Variants in KCNMA1 observed in about 807,000 individuals in gnomAD.
The protein encoded by KCNMA1 is Calcium-activated potassium channel subunit alpha-1.
KCNMA1 carries 29 observed loss-of-function variants against 140.0 expected under a neutral mutation model. That is an observed-to-expected ratio of 0.21 (90% confidence interval 0.15 to 0.28). KCNMA1 has a LOEUF of 0.28. Ranked by LOEUF, KCNMA1 falls within the 10% of genes least tolerant of loss-of-function variation. The pLI, the probability that KCNMA1 is intolerant of heterozygous loss-of-function variation, is 1.00. For synonymous variants in KCNMA1, 612 were observed against 611.9 expected (o/e 1.00, Z 0.00); for missense variants, 880 against 1,602.2 (o/e 0.55, Z 7.70).
chr10:77,165,649 T>A (rs1030715349), intron 5 of KCNMA1, among the ~76,000 whole-genome samples: 3 of 152,180 alleles, frequency 2.0e-5, no homozygotes, highest in Admixed American at 6.5e-5. Context: ...GCCCTGCAAG[T>A]CCAATTAGAA....
At chr10:77,448,735 T>G (rs2097574294) in intron 1 of KCNMA1, among the ~76,000 whole-genome samples, 1 of 152,140 alleles carries the variant, frequency 6.6e-6, no homozygotes, top group Non-Finnish European at 1.5e-5. Context: ...CAAAAAGAAT[T>G]TATGGGCAAG....
chr10:77,261,974 C>T (rs538544742), intron 2 of KCNMA1, among the ~76,000 whole-genome samples: 3 of 152,132 alleles, frequency 2.0e-5, no homozygotes, highest in Non-Finnish European at 2.9e-5. Context: ...TCTTCTGTAG[C>T]GTAGTCAGGT....
Position 77,448,884 on chromosome 10 carries a change from C to A in KCNMA1, c.379-44861G>T, listed in dbSNP as rs571792031. On this transcript the variant is annotated intron_variant, in intron 1 of 27. Transcript: ENST00000286628. ...CGGGCAGATTACGAGGTCAGGAGAT[C>A]GAGACCAGCCAGACTAACATGGTGA... is the stretch of plus-strand genomic sequence containing the variant. 2.0e-5 allele frequency among the ~76,000 whole-genome samples: 3 copies of A among 152,010 alleles called. No individual in the cohort carries two copies. The East Asian group carries it at 5.8e-4, about 29-fold the overall frequency.
chr10:77,169,649 G>T (rs1451655738), intron 5 of KCNMA1, among the ~76,000 whole-genome samples: 1 of 152,008 alleles, frequency 6.6e-6, no homozygotes, highest in East Asian at 1.9e-4. Flanking sequence ...CAAAGTGCTG[G>T]GATTACAGGA....
chr10:77,412,698 C>T (rs180716623), intron 1 of KCNMA1, among the ~76,000 whole-genome samples: 80 of 152,302 alleles, frequency 5.3e-4, no homozygotes, highest in African/African-American at 1.7e-3. Flanking sequence ...GGCAGGGCCC[C>T]GGACCCCGCG....
chr10:77,439,150 A>G (rs12413426), intron 1 of KCNMA1, among the ~76,000 whole-genome samples: 761 of 64,040 alleles, frequency 0.012, 4 homozygotes, highest in Middle Eastern at 0.045. Flanking sequence ...GAGAAGAGAA[A>G]AGAGAAGAGA....
chr10:77,398,868 G>A (rs372066718), intron 2 of KCNMA1, among the ~76,000 whole-genome samples: 11 of 152,130 alleles, frequency 7.2e-5, no homozygotes, highest in Admixed American at 1.3e-4. Flanking sequence ...TACACCATAC[G>A]TTTCTTGCCC....
intron 1 of KCNMA1, among the ~76,000 whole-genome samples, chr10:77,610,513 G>A (rs900560666): frequency 6.6e-6 from 1 of 152,256 alleles, no homozygotes; most frequent in African/African-American, 2.4e-5. Flanking sequence ...TTCTTCCAGA[G>A]TCGGCCAGCG....
chr10:77,455,841 T>A (rs1290933116), intron 1 of KCNMA1, among the ~76,000 whole-genome samples: 3 of 152,234 alleles, frequency 2.0e-5, no homozygotes, highest in African/African-American at 7.2e-5. Flanking sequence ...CCCATTCATT[T>A]AATCCAAACG....
chr10:77,090,737 T>C, intron 9 of KCNMA1: 2 of 582,636 alleles, frequency 3.4e-6, no homozygotes, highest in Non-Finnish European at 6.1e-6. Context: ...TCTCACCTGA[T>C]GCTGCACAAA....
chr10:76,915,065 C>T lies in KCNMA1; in HGVS notation c.2903-16G>A. ...GGTGTGAACCCTAGTGGGAAGGAAA[C>T]AGAGGAGGAAGAAAAATCAGAGAAG... On this transcript the variant is annotated splice_polypyrimidine_tract_variant and intron_variant, in intron 23 of 27. Coordinates refer to ENST00000286628, the MANE Select transcript of KCNMA1 (RefSeq NM_001161352.2). The T allele has an allele frequency of 6.3e-7, 1 of 1,577,422 alleles. No homozygotes were observed. The highest frequency in any genetic ancestry group is 8.7e-7 in the Non-Finnish European group (1 of 1,147,126).
intron 2 of KCNMA1, among the ~76,000 whole-genome samples, chr10:77,310,183 C>A (rs1192785995): frequency 6.6e-6 from 1 of 152,186 alleles, no homozygotes; most frequent in Non-Finnish European, 1.5e-5. Flanking sequence ...AGACAGCGTG[C>A]ACTAGTACAA....
At chr10:77,201,662 C>T (rs917540059) in intron 3 of KCNMA1, among the ~76,000 whole-genome samples, 9 of 152,140 alleles carry the variant, frequency 5.9e-5, no homozygotes, top group African/African-American at 1.9e-4. Context: ...CGCATGTGAC[C>T]TTATAAAAAT....
intron 2 of KCNMA1, among the ~76,000 whole-genome samples, chr10:77,379,829 C>T (rs1291743448): frequency 1.3e-5 from 2 of 152,106 alleles, no homozygotes; most frequent in Admixed American, 1.3e-4. Flanking sequence ...TATTATGTTT[C>T]AATACAAAAC....
chr10:77,296,918 G>A (rs796954748), intron 2 of KCNMA1, among the ~76,000 whole-genome samples: 34 of 144,686 alleles, frequency 2.3e-4, no homozygotes, highest in East Asian at 6.0e-4. Context: ...TGGGCGGGGG[G>A]GCGGTGGGGG....
chr10:76,912,953 G>A (rs527267210), intron 24 of KCNMA1: 1 of 152,306 alleles, frequency 6.6e-6, no homozygotes, highest in African/African-American at 2.4e-5. Flanking sequence ...GTTGGAAACA[G>A]AAAATAGTGT....
intron 1 of KCNMA1, among the ~76,000 whole-genome samples, chr10:77,464,926 G>A (rs2097955844): frequency 6.6e-6 from 1 of 152,154 alleles, no homozygotes; most frequent in Non-Finnish European, 1.5e-5. Flanking sequence ...CCCTCCATTA[G>A]CCCAGGGCTG....
chr10:77,420,464 G>A (rs1041190467), intron 1 of KCNMA1, among the ~76,000 whole-genome samples: 1 of 152,178 alleles, frequency 6.6e-6, no homozygotes, highest in African/African-American at 2.4e-5. Context: ...CGTCTCCAGG[G>A]CTGTTTGCTC....
intron 2 of KCNMA1, among the ~76,000 whole-genome samples, chr10:77,367,238 A>G (rs1319708873): frequency 6.6e-6 from 1 of 152,362 alleles, no homozygotes; most frequent in East Asian, 1.9e-4. Context: ...CAAACAAAGC[A>G]GAGAATATAC....
Sources: allele counts gnomAD v4.1 joint callset (sites outside exome capture counted in the v4.1 genomes callset), GRCh38; gene constraint gnomAD v4.1.1; transcripts MANE v1.5; gene names NCBI Gene and HGNC (gene_info 2026-07-23, HGNC 2026-07-21).